The following SCNN1G variants were observed in gnomAD, a reference collection of about 807,000 sequenced individuals.
The protein encoded by SCNN1G is sodium channel epithelial 1 subunit gamma, also known as epithelial sodium channel subunit gamma.
In SCNN1G, 27 loss-of-function variants were observed where a neutral mutation model predicts 64.6. That is an observed-to-expected ratio of 0.42 (90% CI 0.31 to 0.58). The LOEUF is 0.58. Among genes scored for constraint, SCNN1G ranks in the 20% least tolerant of loss-of-function variants. The probability of loss-of-function intolerance (pLI) is 0.18; values close to 1 mark genes in which losing one functional copy is unlikely to be tolerated. For missense variants in SCNN1G, 743 were observed against 823.4 expected (o/e 0.90, Z 1.19); for synonymous variants, 330 against 314.2 (o/e 1.05, Z -0.53).
chr16:23,212,569 A>G, intron 8 of SCNN1G, 109 bp from the exon 9 acceptor site: 1 of 842,536 alleles, frequency 1.2e-6, no homozygotes, highest in Non-Finnish European at 2.1e-6. Context: ...AGAAAGTGGG[A>G]GGAGAAATCA....
chr16:23,184,235 A>T (rs1273266216), intron 1 of SCNN1G, among the ~76,000 whole-genome samples: 1 of 152,148 alleles, frequency 6.6e-6, no homozygotes, highest in African/African-American at 2.4e-5. Context: ...CATTGGGGTC[A>T]AGGTCGGTTC....
chr16:23,205,032 C>T (rs985887157), intron 6 of SCNN1G, among the ~76,000 whole-genome samples: 4 of 152,132 alleles, frequency 2.6e-5, no homozygotes, highest in Non-Finnish European at 5.9e-5. Flanking sequence ...AGGCTGGTCT[C>T]AAACTCCTGA....
At chr16:23,200,593 C>A (rs1207779945) in intron 6 of SCNN1G, among the ~76,000 whole-genome samples, 1 of 152,218 alleles carries the variant, frequency 6.6e-6, no homozygotes, top group Non-Finnish European at 1.5e-5. Flanking sequence ...TGGGGCACCT[C>A]AGTGTGGAGG....
intron 6 of SCNN1G, among the ~76,000 whole-genome samples, chr16:23,200,524 T>A (rs1283945509): frequency 6.6e-6 from 1 of 152,230 alleles, no homozygotes; most frequent in Non-Finnish European, 1.5e-5. Context: ...GGCTTGGATA[T>A]CCGCCTGTCA....
At chr16:23,205,471 G>T (rs1007234902) in intron 6 of SCNN1G, among the ~76,000 whole-genome samples, 1 of 152,120 alleles carries the variant, frequency 6.6e-6, no homozygotes, top group East Asian at 1.9e-4. Flanking sequence ...GCCAAGGAGG[G>T]CAGATCACCT....
intron 11 of SCNN1G, 84 bp from the exon 12 acceptor site, chr16:23,214,628 T>C: frequency 9.2e-7 from 1 of 1,090,644 alleles, no homozygotes; most frequent in Non-Finnish European, 1.4e-6. Context: ...GCTGCCAGCT[T>C]GGGTAGGAGG....
chr16:23,191,951 T>TC (rs1959715128), intron 3 of SCNN1G, among the ~76,000 whole-genome samples: 1 of 152,114 alleles, frequency 6.6e-6, no homozygotes, highest in African/African-American at 2.4e-5. Flanking sequence ...AAGTAGTCTC[T>TC]CCCCCTCCTG....
At chr16:23,190,869 A>G (rs1959697991) in intron 3 of SCNN1G, among the ~76,000 whole-genome samples, 1 of 100,578 alleles carries the variant, frequency 9.9e-6, no homozygotes, top group Admixed American at 1.6e-4. Flanking sequence ...TTTGAGACAG[A>G]GTCTCATTCT....
chr16:23,201,163 CA>C (rs1959882441), intron 6 of SCNN1G, among the ~76,000 whole-genome samples: 1 of 152,222 alleles, frequency 6.6e-6, no homozygotes, highest in Non-Finnish European at 1.5e-5. Context: ...GGCAAAACCT[CA>C]GAGCACAATG....
intron 7 of SCNN1G, 84 bp from the exon 8 acceptor site, chr16:23,211,950 C>A (rs1257266953): frequency 1.4e-5 from 14 of 995,544 alleles, no homozygotes; most frequent in Non-Finnish European, 1.9e-5. Flanking sequence ...GGGAGGCTGA[C>A]CCCCTGGGCT....
chr16:23,198,838 T>G (rs781518214), intron 6 of SCNN1G, among the ~76,000 whole-genome samples: 1 of 151,842 alleles, frequency 6.6e-6, no homozygotes, highest in Admixed American at 6.6e-5. Flanking sequence ...GACGATCACT[T>G]GAGCTCAGGA....
rs1360449416 is a variant in SCNN1G, at chr16:23,202,423, C to T, written c.1077+4996C>T. 8.5e-5 allele frequency among the ~76,000 whole-genome samples: 13 copies of T among 152,080 alleles called. No homozygotes were observed. In the East Asian group the frequency reaches 2.1e-3, roughly 25 times the overall value. On this transcript the variant is annotated intron_variant, in intron 6 of 12. Coordinates refer to ENST00000300061, the MANE Select transcript of SCNN1G (RefSeq NM_001039.4). ...GGATGGATGGATGCCCAGACAGAAG[C>T]TACTGGAGAAGGCTTTCTAAATAAT...
At chr16:23,211,951 C>T (rs1960086145) in intron 7 of SCNN1G, 83 bp from the exon 8 acceptor site, 2 of 1,005,344 alleles carry the variant, frequency 2.0e-6, no homozygotes, top group South Asian at 1.3e-5. Flanking sequence ...GGAGGCTGAC[C>T]CCCTGGGCTG....
Position 23,212,125 on chromosome 16 carries a change from G to A in SCNN1G, c.1268G>A (p.Cys423Tyr), listed in dbSNP as rs1185591656. The change falls in exon 8 of 13, where the codon TGC becomes TAC. Residue 423 changes from cysteine (C) to tyrosine (Y), a missense_variant. Cys to Tyr is a radical substitution (Grantham distance 194, BLOSUM62 -2). Transcript: ENST00000300061. ...CCTCTACCTCCTGCAGCCAACTACTGCAACTACCAGCAGCACCCCAACTGG... is the reference window on the plus strand; with the variant it reads ...CCTCTACCTCCTGCAGCCAACTACTACAACTACCAGCAGCACCCCAACTGG... ...SQPLPPAANY[C>Y]NYQQHPNWMY... is the part of the protein sequence containing the mutation. The A allele has an allele frequency of 6.2e-7, 1 of 1,612,884 alleles. No individual in the cohort carries two copies. The highest frequency in any genetic ancestry group is 8.5e-7 in the Non-Finnish European group (1 of 1,178,974).
At chr16:23,209,968 T>A in intron 7 of SCNN1G, 120 bp downstream of exon 7, 1 of 742,312 alleles carries the variant, frequency 1.3e-6, no homozygotes, top group Non-Finnish European at 2.4e-6. Context: ...CTGGGGTTCA[T>A]CCAGAGACCT....
intron 6 of SCNN1G, among the ~76,000 whole-genome samples, chr16:23,203,625 C>T (rs949192974): frequency 1.3e-5 from 2 of 151,782 alleles, no homozygotes; most frequent in African/African-American, 4.8e-5. Flanking sequence ...AAAAAATTAG[C>T]CGGGTGTGGT....
In SCNN1G at chr16:23,214,730, C is replaced by G. The variant is rs1960132235; in HGVS notation, c.1512C>G (p.Leu504=). Residue 504 remains leucine, a synonymous_variant, in exon 12 of 13, where the codon CTC becomes CTG. Coordinates refer to ENST00000300061, the MANE Select transcript of SCNN1G (RefSeq NM_001039.4). Reference sequence around the variant, plus strand: ...TTTGCAGGACAGACTTGGCCAAACTCTTGATATTCTACAAAGACCTGAACC... The same window carrying G: ...TTTGCAGGACAGACTTGGCCAAACTGTTGATATTCTACAAAGACCTGAACC... ...KKLNKTDLAK[L]LIFYKDLNQR... The G allele has an allele frequency of 6.2e-7, 1 of 1,614,084 alleles. No individual in the cohort carries two copies. Among genetic ancestry groups the G allele is most frequent in the South Asian group, 1.1e-5 (1 of 91,074 alleles).
chr16:23,186,142 T>C, intron 1 of SCNN1G, 86 bp from the exon 2 acceptor site: 1 of 821,114 alleles, frequency 1.2e-6, no homozygotes, highest in Non-Finnish European at 2.1e-6. Flanking sequence ...GCGCATGGAC[T>C]GGTGTTTCCC....
At chr16:23,187,899 A>G (rs1384283304) in intron 2 of SCNN1G, among the ~76,000 whole-genome samples, 1 of 152,144 alleles carries the variant, frequency 6.6e-6, no homozygotes, top group Non-Finnish European at 1.5e-5. Flanking sequence ...AAGATTATCA[A>G]ACGAAACTAA....
Sources: allele counts gnomAD v4.1 joint callset (sites outside exome capture counted in the v4.1 genomes callset), GRCh38; gene constraint gnomAD v4.1.1; transcripts MANE v1.5; gene names NCBI Gene and HGNC (gene_info 2026-07-23, HGNC 2026-07-21).